ARMCX4: variants seen among roughly 807,000 people sequenced by gnomAD.
The protein encoded by ARMCX4 is armadillo repeat-containing X-linked protein 4.
A neutral mutation model predicts 34.7 loss-of-function variants in ARMCX4; 3 were observed. The observed-to-expected ratio is 0.09, with a 90% CI of 0.04 to 0.22. ARMCX4 has a LOEUF of 0.22. ARMCX4 is among the 10% of genes least tolerant of loss of function. The pLI is 1.00. For synonymous variants in ARMCX4, 513 were observed against 632.8 expected (o/e 0.81, Z 2.84); for missense variants, 1,448 against 1,720.8 (o/e 0.84, Z 2.81).
At position 101,493,254 on chromosome X, in the gene ARMCX4, T is replaced by C. The variant is rs1285210774; in HGVS notation, c.4665T>C (p.Ser1555=). Residue 1555 remains serine (S), a synonymous_variant, in exon 6 of 6, where the codon AGT becomes AGC. Coordinates refer to ENST00000423738, the MANE Select transcript of ARMCX4 (RefSeq NM_001256155.3). ...GSWDSPGSQV[S]GSCWTGAGAV... ...GGGATAGCCCTGGGAGTCAGGTCAG[T>C]GGAAGCTGCTGGACTGGGGCTGGGG... 8.7e-7 allele frequency: 1 copy of C among 1,153,667 alleles called. No individual in the cohort carries two copies. The highest frequency in any genetic ancestry group is 1.8e-5 in the African/African-American group (1 of 55,483).
At chrX:101,477,186 C>G (rs1933227056) in intron 4 of ARMCX4, among the ~76,000 whole-genome samples, 1 of 109,154 alleles carries the variant, frequency 9.2e-6, no homozygotes, top group African/African-American at 3.3e-5. Flanking sequence ...ACGCCTGTAA[C>G]CCCAGCACTT....
At chrX:101,471,463 GGAACACGGAAGAGGTATTTGTCCCTCT>G (rs1453640938) in intron 4 of ARMCX4, among the ~76,000 whole-genome samples, 1 of 112,294 alleles carries the variant, frequency 8.9e-6, no homozygotes, top group East Asian at 2.8e-4. Context: ...TAGTATGCTA[GGAACACGGAAGAGGTATTTGTCCCTCT>G]GAAACAGGTT....
intron 11 of ARMCX4, among the ~76,000 whole-genome samples, chrX:101,525,426 C>G (rs1169756887): frequency 4.5e-5 from 5 of 111,863 alleles, no homozygotes; most frequent in African/African-American, 1.6e-4. Context: ...CAAAGGATCG[C>G]AGCTCCTCAC....
At chrX:101,437,523 G>A (rs1930883884) in intron 2 of ARMCX4, among the ~76,000 whole-genome samples, 1 of 111,303 alleles carries the variant, frequency 9.0e-6, no homozygotes, top group Admixed American at 9.6e-5. Flanking sequence ...GCATCTATTT[G>A]ATTCTTCTCT....
Position 101,490,452 on chromosome X carries a change from A to G in ARMCX4, c.1863A>G (p.Gly621=). ...ATACTGTGCTTAAGGTGGGGGCTGG[A>G]GAAGGTACAACAGACTCTGCCCAGC... The part of the protein sequence containing the change: ...NPHTVLKVGA[G]EGTTDSAQPE... The change falls in exon 6 of 6, where the codon GGA becomes GGG. Residue 621 remains glycine, a synonymous_variant. Coordinates refer to ENST00000423738, the MANE Select transcript of ARMCX4 (RefSeq NM_001256155.3). 1 of 1,148,232 alleles carries G rather than the reference A, an allele frequency of 8.7e-7. No individual in the cohort carries two copies. The allele number at this position is 1,148,232 out of a possible 1,213,427, so 94.6% of individuals were successfully genotyped here.
chrX:101,529,412 C>T (rs782023566), intron 11 of ARMCX4, among the ~76,000 whole-genome samples: 1 of 111,876 alleles, frequency 8.9e-6, no homozygotes. Flanking sequence ...CCATTCAGGA[C>T]GTAGGCATAG....
intron 4 of ARMCX4, among the ~76,000 whole-genome samples, chrX:101,459,466 G>T (rs182755189): frequency 3.0e-3 from 336 of 111,486 alleles, no homozygotes; most frequent in African/African-American, 9.4e-3. Flanking sequence ...ATCTATAATA[G>T]CTATGTAGCT....
intron 2 of ARMCX4, among the ~76,000 whole-genome samples, chrX:101,437,623 G>A (rs1285507045): frequency 2.7e-5 from 3 of 110,956 alleles, no homozygotes; most frequent in African/African-American, 6.6e-5. Flanking sequence ...TTTTTTTGAA[G>A]GGTTTTTGTG....
At chrX:101,511,731 C>T (rs944655397) in intron 11 of ARMCX4, among the ~76,000 whole-genome samples, 1 of 109,707 alleles carries the variant, frequency 9.1e-6, no homozygotes, top group African/African-American at 3.3e-5. Flanking sequence ...GCTCAAGTGA[C>T]CCTCCCACCT....
At chrX:101,523,767 T>C (rs1234297406) in intron 11 of ARMCX4, among the ~76,000 whole-genome samples, 1 of 112,013 alleles carries the variant, frequency 8.9e-6, no homozygotes, top group African/African-American at 3.2e-5. Flanking sequence ...AACAACTACA[T>C]AGGTAAATAC....
downstream of ARMCX4, among the ~76,000 whole-genome samples, chrX:101,448,854 A>G (rs1377946257): frequency 3.7e-5 from 4 of 108,982 alleles, no homozygotes; most frequent in African/African-American, 1.3e-4. Context: ...GCCTCCCACC[A>G]AAGTGCTGGG....
At chrX:101,479,130 T>C (rs191306427) in intron 4 of ARMCX4, among the ~76,000 whole-genome samples, 1 of 111,243 alleles carries the variant, frequency 9.0e-6, no homozygotes, top group East Asian at 2.8e-4. Context: ...TTTATTGCAT[T>C]GCATTGCTTC....
chrX:101,449,417 T>C (rs1470985948), downstream of ARMCX4, among the ~76,000 whole-genome samples: 1 of 112,206 alleles, frequency 8.9e-6, no homozygotes, highest in Non-Finnish European at 1.9e-5. Context: ...TTTTGTCTCC[T>C]CTGACTGTAT....
intron 11 of ARMCX4, among the ~76,000 whole-genome samples, chrX:101,516,149 T>C (rs901183603): frequency 9.0e-6 from 1 of 111,670 alleles, no homozygotes; most frequent in Non-Finnish European, 1.9e-5. Context: ...GAAAAAAATA[T>C]ATCCACATTC....
At chrX:101,420,798 G>A (rs1175028936) in intron 2 of ARMCX4, among the ~76,000 whole-genome samples, 1 of 112,640 alleles carries the variant, frequency 8.9e-6, no homozygotes, top group Non-Finnish European at 1.9e-5. Flanking sequence ...TGTTGGGTCA[G>A]GGCATGCAGG....
chrX:101,419,094 T>C (rs1929081158), intron 2 of ARMCX4: 1 of 110,486 alleles, frequency 9.1e-6, no homozygotes, highest in Non-Finnish European at 1.9e-5. Context: ...TAAAATGTTC[T>C]ACCTTTTCCT....
intron 11 of ARMCX4, among the ~76,000 whole-genome samples, chrX:101,526,729 C>CA (rs1413904715): frequency 5.4e-5 from 6 of 111,758 alleles, no homozygotes; most frequent in Non-Finnish European, 9.4e-5. Context: ...GATCAAAAGA[C>CA]AAAGAAGGCC....
intron 11 of ARMCX4, among the ~76,000 whole-genome samples, chrX:101,527,237 G>A (rs782384909): frequency 8.9e-6 from 1 of 111,905 alleles, no homozygotes; most frequent in East Asian, 2.8e-4. Flanking sequence ...TGACTACTGG[G>A]TAAATAACGA....
chrX:101,462,612 C>G (rs1229728939), intron 4 of ARMCX4, among the ~76,000 whole-genome samples: 1 of 102,636 alleles, frequency 9.7e-6, no homozygotes, highest in African/African-American at 3.6e-5. Flanking sequence ...TGCACTCCAG[C>G]CTGGCGACAG....
Sources: gnomAD v4.1 joint callset for allele counts (sites outside exome capture counted in the v4.1 genomes callset) on GRCh38, gnomAD v4.1.1 for gene constraint, MANE v1.5 for transcripts, NCBI Gene and HGNC (gene_info 2026-07-23, HGNC 2026-07-21) for gene names.